Variants in FRMD4A observed in about 807,000 individuals in gnomAD.
FRMD4A encodes FERM domain-containing protein 4A.
Under a neutral mutation model 129.1 loss-of-function variants are expected in FRMD4A, and 29 were observed. That is an observed-to-expected ratio of 0.22 (90% CI 0.17 to 0.31). FRMD4A has a LOEUF of 0.31. Among genes scored for constraint, FRMD4A ranks in the 10% least tolerant of loss-of-function variants. FRMD4A has a pLI of 1.00. For synonymous variants in FRMD4A, 634 were observed against 571.6 expected, an observed-to-expected ratio of 1.11 and a Z score of -1.56; for missense variants, 1,272 against 1,375.8, an observed-to-expected ratio of 0.92 and a Z score of 1.19.
At position 13,882,608 on chromosome 10, in the gene FRMD4A, G is replaced by A. The variant is rs373112461; in HGVS notation, c.46-23696C>T. 5.3e-5 allele frequency among the ~76,000 whole-genome samples: 8 copies of A among 152,298 alleles called. No individual in the cohort carries two copies. In the East Asian group the frequency reaches 5.8e-4, roughly 11 times the overall value. On this transcript the variant is annotated intron_variant, in intron 2 of 24. Coordinates refer to ENST00000357447, the MANE Select transcript of FRMD4A (RefSeq NM_018027.5). ...TCAGCCATTTCAAAACCAGATGGAC[G>A]GACAGGCTCCTTCAGGAAAGTTCTG...
At position 13,685,283 on chromosome 10, in the gene FRMD4A, G is replaced by A. The variant is rs909107553; in HGVS notation, c.1117+8615C>T. ...CTTTTGATGGTGGCTGGGAGTCTCT[G>A]GAAGAGCTTTGCTTTCTGGCTAGAT... On this transcript the variant is annotated intron_variant, in intron 15 of 24. Coordinates refer to ENST00000357447, the MANE Select transcript of FRMD4A (RefSeq NM_018027.5). 3 of 985,328 alleles carry A rather than the reference G, an allele frequency of 3.0e-6. No homozygotes were observed. The South Asian group carries it at 1.4e-4, about 46-fold the overall frequency. The allele number at this position is 985,328 out of a possible 1,614,324, so 61.0% of individuals were successfully genotyped here.
At chr10:14,193,647 A>T (rs1445534183) in intron 2 of FRMD4A, among the ~76,000 whole-genome samples, 2 of 151,754 alleles carry the variant, frequency 1.3e-5, no homozygotes, top group African/African-American at 2.4e-5. Context: ...GAAACCAAGC[A>T]AAAAGTTGCA....
At chr10:13,748,990 C>T (rs544916994) in intron 8 of FRMD4A, among the ~76,000 whole-genome samples, 3 of 152,322 alleles carry the variant, frequency 2.0e-5, no homozygotes, top group African/African-American at 7.2e-5. Context: ...ACTCCCCTAG[C>T]TTAACCAGCC....
intron 4 of FRMD4A, among the ~76,000 whole-genome samples, chr10:13,803,406 G>A (rs997087608): frequency 3.3e-5 from 5 of 152,082 alleles, no homozygotes; most frequent in African/African-American, 1.2e-4. Context: ...GTCATAGCTC[G>A]CTGCAGCCTT....
chr10:13,976,098 GT>G (rs1233812082), intron 2 of FRMD4A, among the ~76,000 whole-genome samples: 1 of 152,172 alleles, frequency 6.6e-6, no homozygotes, highest in Non-Finnish European at 1.5e-5. Flanking sequence ...GTAAGGAGCA[GT>G]CACTGTCTCA....
chr10:13,694,537 A>G (rs1589413423), intron 14 of FRMD4A, among the ~76,000 whole-genome samples: 1 of 149,286 alleles, frequency 6.7e-6, no homozygotes, highest in Admixed American at 6.6e-5. Flanking sequence ...GTGCTTAAAC[A>G]AGGAGGAGAA....
chr10:14,321,829 TGG>T (rs1843067296), intron 2 of FRMD4A, among the ~76,000 whole-genome samples: 1 of 152,162 alleles, frequency 6.6e-6, no homozygotes, highest in Non-Finnish European at 1.5e-5. Flanking sequence ...TCCCCAGTTT[TGG>T]GGAAGGGGCC....
At chr10:14,062,254 T>G (rs1398870862) in intron 2 of FRMD4A, among the ~76,000 whole-genome samples, 1 of 152,186 alleles carries the variant, frequency 6.6e-6, no homozygotes, top group East Asian at 1.9e-4. Context: ...TTATTTGAGG[T>G]CTATCGTTTA....
intron 8 of FRMD4A, among the ~76,000 whole-genome samples, chr10:13,753,541 ATTTTT>A (rs35813128): frequency 8.7e-6 from 1 of 115,304 alleles, no homozygotes; most frequent in Admixed American, 1.0e-4. Context: ...GTACCTTTCT[ATTTTT>A]TTTTTTTTTT....
intron 4 of FRMD4A, among the ~76,000 whole-genome samples, chr10:13,805,680 T>C (rs1038297421): frequency 1.3e-5 from 2 of 152,084 alleles, no homozygotes; most frequent in Non-Finnish European, 2.9e-5. Flanking sequence ...CACAAGCTAC[T>C]TCTTGATTTT....
chr10:13,789,714 G>C (rs900797149), intron 5 of FRMD4A, among the ~76,000 whole-genome samples: 5 of 150,028 alleles, frequency 3.3e-5, no homozygotes, highest in African/African-American at 1.2e-4. Flanking sequence ...ACTAAACAAT[G>C]GTTTGCAGTT....
chr10:14,256,033 A>C (rs1564421160), intron 2 of FRMD4A, among the ~76,000 whole-genome samples: 1 of 151,922 alleles, frequency 6.6e-6, no homozygotes, highest in Non-Finnish European at 1.5e-5. Context: ...ATTTGTTGCC[A>C]AAAGGAAATA....
At chr10:14,103,471 C>T (rs1460411750) in intron 2 of FRMD4A, among the ~76,000 whole-genome samples, 1 of 152,146 alleles carries the variant, frequency 6.6e-6, no homozygotes, top group Non-Finnish European at 1.5e-5. Flanking sequence ...CAAAATTATA[C>T]CAGAGGCCTG....
chr10:14,318,692 G>A (rs148082427), intron 2 of FRMD4A, among the ~76,000 whole-genome samples: 58 of 151,644 alleles, frequency 3.8e-4, no homozygotes, highest in Non-Finnish European at 6.9e-4. Flanking sequence ...TTTCCTCTGA[G>A]TAAAGTCCCA....
At chr10:14,195,839 G>A (rs80075428) in intron 2 of FRMD4A, among the ~76,000 whole-genome samples, 6,826 of 152,274 alleles carry the variant, frequency 0.045, 244 homozygotes, top group Non-Finnish European at 0.067. Flanking sequence ...TAGAGAAGGT[G>A]CCTGTTGTAT....
intron 3 of FRMD4A, among the ~76,000 whole-genome samples, chr10:13,817,861 T>C (rs2093569691): frequency 6.6e-6 from 1 of 152,176 alleles, no homozygotes; most frequent in African/African-American, 2.4e-5. Flanking sequence ...CCATGAGCCC[T>C]TCAGGTAAAT....
chr10:13,846,608 G>A (rs532389621), intron 3 of FRMD4A, among the ~76,000 whole-genome samples: 119 of 152,366 alleles, frequency 7.8e-4, no homozygotes, highest in South Asian at 1.7e-3. Context: ...CAATTGTAAA[G>A]TTCAAGGCCC....
chr10:13,928,415 A>C (rs1665502657), intron 2 of FRMD4A, among the ~76,000 whole-genome samples: 1 of 151,960 alleles, frequency 6.6e-6, no homozygotes, highest in Admixed American at 6.6e-5. Context: ...AAAATCCTAA[A>C]CTCTGAATTC....
intron 2 of FRMD4A, among the ~76,000 whole-genome samples, chr10:14,312,980 G>T (rs1846607761): frequency 6.6e-6 from 1 of 152,188 alleles, no homozygotes; most frequent in Non-Finnish European, 1.5e-5. Flanking sequence ...AAAGTATTAA[G>T]AATCTGGAGT....
Sources: gnomAD v4.1 joint callset for allele counts (sites outside exome capture counted in the v4.1 genomes callset) on GRCh38, gnomAD v4.1.1 for gene constraint, MANE v1.5 for transcripts, NCBI Gene and HGNC (gene_info 2026-07-23, HGNC 2026-07-21) for gene names.